ATXN1: variants seen among roughly 807,000 people sequenced by gnomAD.
The protein encoded by ATXN1 is ataxin-1.
A neutral mutation model predicts 56.4 loss-of-function variants in ATXN1; 8 were observed. The ratio of observed to expected loss-of-function variants is 0.14; its 90% CI spans 0.08 to 0.26. ATXN1 has a LOEUF of 0.26. Among genes scored for constraint, ATXN1 ranks in the 10% least tolerant of loss-of-function variants. ATXN1 has a pLI of 1.00. For missense variants in ATXN1, 987 were observed against 1,106.5 expected, an observed-to-expected ratio of 0.89 and a Z score of 1.53; for synonymous variants, 514 against 494.6, an observed-to-expected ratio of 1.04 and a Z score of -0.52.
chr6:16,593,631 C>G (rs562355238), intron 3 of ATXN1, among the ~76,000 whole-genome samples: 1 of 152,180 alleles, frequency 6.6e-6, no homozygotes, highest in African/African-American at 2.4e-5. Flanking sequence ...ATCTATCACT[C>G]TCTAAAATAC....
At chr6:16,332,838 G>T (rs375568137) in intron 6 of ATXN1, among the ~76,000 whole-genome samples, 1 of 152,120 alleles carries the variant, frequency 6.6e-6, no homozygotes, top group Non-Finnish European at 1.5e-5. Context: ...TTTGCTAGTC[G>T]AAGTGTGGTC....
At chr6:16,401,435 C>T (rs1045070925) in intron 6 of ATXN1, among the ~76,000 whole-genome samples, 8 of 152,138 alleles carry the variant, frequency 5.3e-5, no homozygotes, top group Non-Finnish European at 1.2e-4. Flanking sequence ...CTCTAAAAAA[C>T]ATAATTTAAA....
chr6:16,454,598 A>AATT (rs1250524058), intron 6 of ATXN1, among the ~76,000 whole-genome samples: 1 of 152,142 alleles, frequency 6.6e-6, no homozygotes, highest in Non-Finnish European at 1.5e-5. Flanking sequence ...CTCCCATGTT[A>AATT]ATTATTATTG....
intron 6 of ATXN1, among the ~76,000 whole-genome samples, chr6:16,437,453 T>C (rs1436416830): frequency 2.0e-5 from 3 of 152,214 alleles, no homozygotes; most frequent in African/African-American, 7.2e-5. Flanking sequence ...TCCCCTGATG[T>C]TTCTGCTCTT....
chr6:16,622,101 A>C (rs1249864923), intron 3 of ATXN1, among the ~76,000 whole-genome samples: 1 of 152,356 alleles, frequency 6.6e-6, no homozygotes, highest in East Asian at 1.9e-4. Flanking sequence ...CTGGAAATAC[A>C]CAAGTGACAG....
At position 16,732,498 on chromosome 6, in the gene ATXN1, G is replaced by C. The variant is rs192586985; in HGVS notation, c.-615+20735C>G. ...AGGCAGGAGAATTGCTTGAACTCAGGAGGCAGAGGTTGCAATAAGCCGAGA... is the reference window on the plus strand; with the variant it reads ...AGGCAGGAGAATTGCTTGAACTCAGCAGGCAGAGGTTGCAATAAGCCGAGA... On this transcript the variant is annotated intron_variant, in intron 2 of 7. Transcript: ENST00000436367. Among the ~76,000 whole-genome samples, 8 of 152,150 alleles carry C rather than the reference G, an allele frequency of 5.3e-5. No individual in the cohort carries two copies. The East Asian group carries it at 1.4e-3, about 26-fold the overall frequency.
intron 6 of ATXN1, among the ~76,000 whole-genome samples, chr6:16,428,932 C>G (rs977851849): frequency 6.6e-6 from 1 of 151,962 alleles, no homozygotes; most frequent in Non-Finnish European, 1.5e-5. Context: ...AGGATTTTGA[C>G]GGGCTGGGTC....
chr6:16,736,587 TTAC>T (rs1760142625), intron 2 of ATXN1, among the ~76,000 whole-genome samples: 1 of 152,236 alleles, frequency 6.6e-6, no homozygotes, highest in East Asian at 1.9e-4. Flanking sequence ...GAGATACTGA[TTAC>T]TCACAAGAAC....
intron 4 of ATXN1, among the ~76,000 whole-genome samples, chr6:16,550,914 A>G (rs928323255): frequency 1.2e-4 from 18 of 152,194 alleles, no homozygotes; most frequent in African/African-American, 4.3e-4. Flanking sequence ...ATCATGAGTT[A>G]CTCCTAGCCC....
At chr6:16,538,532 T>C (rs1325667700) in intron 4 of ATXN1, among the ~76,000 whole-genome samples, 1 of 152,068 alleles carries the variant, frequency 6.6e-6, no homozygotes, top group Non-Finnish European at 1.5e-5. Flanking sequence ...GCTGCACCCA[T>C]TAACTTGTCA....
At chr6:16,574,560 G>C (rs183295055) in intron 4 of ATXN1, among the ~76,000 whole-genome samples, 1 of 152,146 alleles carries the variant, frequency 6.6e-6, no homozygotes, top group South Asian at 2.1e-4. Flanking sequence ...GGCCAGTCTG[G>C]TCTCGATCTC....
chr6:16,565,321 T>G (rs1174116490), intron 4 of ATXN1, among the ~76,000 whole-genome samples: 1 of 152,232 alleles, frequency 6.6e-6, no homozygotes, highest in African/African-American at 2.4e-5. Context: ...ATAGGCCACA[T>G]CATTTTGTTT....
chr6:16,725,081 G>A (rs528047551), intron 2 of ATXN1, among the ~76,000 whole-genome samples: 7 of 152,226 alleles, frequency 4.6e-5, no homozygotes, highest in South Asian at 2.1e-4. Context: ...AAAACTAACC[G>A]TTTATTAAGT....
In ATXN1 at chr6:16,491,875, T is replaced by C. The variant is rs561162163; in HGVS notation, c.-298-5766A>G. On this transcript the variant is annotated intron_variant, in intron 5 of 7. Transcript: ENST00000436367. ...GAGATTCAAAGTGAGAGAGGACATG[T>C]TGATGGAGGAGGCAAGTCATATGGC... 5.7e-4 allele frequency among the ~76,000 whole-genome samples: 87 copies of C among 152,222 alleles called. 1 individual carries two copies. The highest frequency in any genetic ancestry group is 8.8e-5 in the Non-Finnish European group (6 of 68,014).
intron 2 of ATXN1, among the ~76,000 whole-genome samples, chr6:16,686,525 T>G (rs1047984010): frequency 8.5e-6 from 1 of 117,580 alleles, no homozygotes; most frequent in Non-Finnish European, 1.9e-5. Context: ...AAGAGATATT[T>G]ATATAGAAGG....
intron 6 of ATXN1, among the ~76,000 whole-genome samples, chr6:16,405,517 A>T (rs1214650367): frequency 1.3e-5 from 2 of 152,212 alleles, no homozygotes; most frequent in Non-Finnish European, 2.9e-5. Flanking sequence ...GGGAGCTGGG[A>T]GCAAAGAGAA....
intron 3 of ATXN1, among the ~76,000 whole-genome samples, chr6:16,654,846 TC>T (rs1373836390): frequency 1.3e-4 from 20 of 152,142 alleles, no homozygotes; most frequent in Admixed American, 1.2e-3. Flanking sequence ...AACTAGCACT[TC>T]CAGATAACAC....
chr6:16,678,705 T>C (rs561778100), intron 2 of ATXN1, among the ~76,000 whole-genome samples: 1 of 152,320 alleles, frequency 6.6e-6, no homozygotes, highest in African/African-American at 2.4e-5. Flanking sequence ...ATGTTTAAGT[T>C]AATTTATCAA....
Position 16,591,371 on chromosome 6 carries a change from T to C in ATXN1, c.-488-5464A>G, listed in dbSNP as rs528830049. ...CCTAAGTATATGGTTCTTTGCAACA[T>C]AATTAAAATGAGAAGGTAGAATAGA... On this transcript the variant is annotated intron_variant, in intron 3 of 7. Transcript: ENST00000436367. Among the ~76,000 whole-genome samples, 3 of 152,340 alleles carry C rather than the reference T, an allele frequency of 2.0e-5. No individual in the cohort carries two copies. In the East Asian group the frequency reaches 5.8e-4, roughly 29 times the overall value.
Sources: allele counts gnomAD v4.1 joint callset (sites outside exome capture counted in the v4.1 genomes callset), GRCh38; gene constraint gnomAD v4.1.1; transcripts MANE v1.5; gene names NCBI Gene and HGNC (gene_info 2026-07-23, HGNC 2026-07-21).